NCKAP5L: variants seen among roughly 807,000 people sequenced by gnomAD.
The protein encoded by NCKAP5L is NCK associated protein 5 like.
In NCKAP5L, 54 loss-of-function variants were observed where a neutral mutation model predicts 103.2. The observed-to-expected ratio is 0.52, with a 90% CI of 0.42 to 0.66. The LOEUF (loss-of-function observed/expected upper bound fraction) is 0.66, where lower values mean the gene tolerates loss of function less well. NCKAP5L is among the 30% of genes least tolerant of loss of function. The pLI, the probability that NCKAP5L is intolerant of heterozygous loss-of-function variation, is 0.00. For synonymous variants in NCKAP5L, 762 were observed against 748.6 expected, an observed-to-expected ratio of 1.02 and a Z score of -0.29; for missense variants, 1,733 against 1,750.6, an observed-to-expected ratio of 0.99 and a Z score of 0.18.
rs1255996401 is a variant in NCKAP5L, at chr12:49,792,222, T to A, written c.3793-171A>T. 9.2e-7 allele frequency: 1 copy of A among 1,081,708 alleles called. No individual in the cohort carries two copies. The highest frequency in any genetic ancestry group is 2.6e-5 in the East Asian group (1 of 38,886). 67.0% of individuals were successfully genotyped at this position (1,081,708 alleles called of 1,614,324 possible). A position where few individuals can be genotyped will look rare whatever the true frequency, so the allele number is the denominator to read the frequency against. On this transcript the variant is annotated intron_variant, in intron 12 of 12. Coordinates refer to ENST00000335999, the MANE Select transcript of NCKAP5L (RefSeq NM_001037806.4). This position sits in a 1 kb window ranked among gnomAD's most constrained non-coding sequence, Gnocchi z 4.5. ...AGGCTGGAGGTACAACTGAGAACAG[T>A]CCTACAAGGTTCTGGGGAGGGACAG...
intron 1 of NCKAP5L, among the ~76,000 whole-genome samples, chr12:49,826,745 G>A (rs1333920215): frequency 6.6e-6 from 1 of 152,152 alleles, no homozygotes; most frequent in African/African-American, 2.4e-5. Context: ...AGGGACCAGA[G>A]CTTCTGACTC....
In NCKAP5L at chr12:49,797,196, G is replaced by C; in HGVS notation, c.664C>G (p.Pro222Ala). 1 of 1,612,926 alleles carries C rather than the reference G, an allele frequency of 6.2e-7. No homozygotes were observed. The highest frequency in any genetic ancestry group is 8.5e-7 in the Non-Finnish European group (1 of 1,179,670). ...WRPPGQGPGS[P>A]EPINGELCGP... is the part of the protein sequence containing the mutation. ...CACAGCTCGCCGTTGATGGGCTCTG[G>C]GGAGCCAGGCCCCTGGCCTGGAGGC... The change falls in exon 8 of 13, where the codon CCA becomes GCA. Residue 222 changes from proline to alanine, a missense_variant. Physicochemically the swap from Pro to Ala is conservative, Grantham distance 27 (BLOSUM62 -1). Transcript: ENST00000335999. This position sits in a 1 kb window ranked among gnomAD's most constrained non-coding sequence, Gnocchi z 4.5.
rs776036345 is a variant in NCKAP5L at position 49,797,104 on chromosome 12, T to C, written c.756A>G (p.Gly252=). ...PCLLLGPGNL[G]GLLHWERLLG... ...AGAGGCGCTCCCAGTGCAGCAGGCC[T>C]CCCAGGTTGCCAGGGCCTAGCAGCA... Residue 252 remains glycine, a synonymous_variant, in exon 8 of 13, where the codon GGA becomes GGG. Transcript: ENST00000335999. The surrounding 1 kb of genome is among the most constrained non-coding windows in gnomAD (Gnocchi z 4.5). 2.5e-6 allele frequency: 4 copies of C among 1,593,076 alleles called. No individual in the cohort carries two copies. The South Asian group carries it at 4.5e-5, about 18-fold the overall frequency.
At chr12:49,810,906 C>G (rs1946232693) in intron 1 of NCKAP5L, among the ~76,000 whole-genome samples, 1 of 152,174 alleles carries the variant, frequency 6.6e-6, no homozygotes, top group African/African-American at 2.4e-5. Flanking sequence ...GAAGGGTCCT[C>G]AGACCAAAAA....
At chr12:49,812,150 AC>A (rs1389695206) in intron 1 of NCKAP5L, among the ~76,000 whole-genome samples, 1 of 152,108 alleles carries the variant, frequency 6.6e-6, no homozygotes, top group Non-Finnish European at 1.5e-5. Context: ...ATTTTAGAAC[AC>A]TTTTATTAGC....
intron 1 of NCKAP5L, among the ~76,000 whole-genome samples, chr12:49,809,140 A>C (rs1946212667): frequency 6.6e-6 from 1 of 152,118 alleles, no homozygotes; most frequent in African/African-American, 2.4e-5. Context: ...TCTTCAGCCA[A>C]GTCAGTCACG....
chr12:49,801,979 C>T lies in NCKAP5L; in HGVS notation c.232-12G>A, dbSNP rs943300503. On this transcript the variant is annotated splice_polypyrimidine_tract_variant and intron_variant, in intron 5 of 12. Transcript: ENST00000335999. ...TCCTCTCGCAGGTCCTGCCGCCCAC[C>T]CCGGGAAGTGCAGGAAGAAGAGGTG... 4 of 1,613,272 alleles carry T rather than the reference C, an allele frequency of 2.5e-6. No homozygotes were observed. Among genetic ancestry groups the T allele is most frequent in the Non-Finnish European group, 1.7e-6 (2 of 1,179,716 alleles).
At chr12:49,806,815 G>A (rs888380889) in intron 1 of NCKAP5L, among the ~76,000 whole-genome samples, 1 of 152,244 alleles carries the variant, frequency 6.6e-6, no homozygotes, top group Non-Finnish European at 1.5e-5. Context: ...CTTTTCTCTT[G>A]TTCTCACTTG....
Position 49,792,422 on chromosome 12 carries a change from C to A in NCKAP5L, c.3792+24G>T. 1 of 1,612,656 alleles carries A rather than the reference C, an allele frequency of 6.2e-7. No homozygotes were observed. The highest frequency in any genetic ancestry group is 2.2e-5 in the East Asian group (1 of 44,838). On this transcript the variant is annotated intron_variant, in intron 12 of 12. Coordinates refer to ENST00000335999, the MANE Select transcript of NCKAP5L (RefSeq NM_001037806.4). The surrounding 1 kb of genome is among the most constrained non-coding windows in gnomAD (Gnocchi z 4.5). ...CTCCCTCCTGCTCCCGAGTCCTTTC[C>A]CTTTCCTCTGCTGCAATTCTCACCA...
At chr12:49,816,770 C>G (rs1946303025) in intron 1 of NCKAP5L, among the ~76,000 whole-genome samples, 1 of 150,368 alleles carries the variant, frequency 6.7e-6, no homozygotes, top group African/African-American at 2.5e-5. Flanking sequence ...GTACTCCAGC[C>G]TGGGTGACAG....
At chr12:49,809,260 G>T (rs1946213994) in intron 1 of NCKAP5L, among the ~76,000 whole-genome samples, 1 of 152,174 alleles carries the variant, frequency 6.6e-6, no homozygotes, top group Non-Finnish European at 1.5e-5. Flanking sequence ...ACCAGAAGGG[G>T]TCTGTGGCTC....
At chr12:49,793,979 C>A in intron 8 of NCKAP5L, 83 bp from the exon 9 acceptor site, 1 of 1,272,278 alleles carries the variant, frequency 7.9e-7, no homozygotes, top group Non-Finnish European at 1.0e-6. Flanking sequence ...TGGTGCTGGG[C>A]TTAGGGAGGC....
chr12:49,803,983 T>A lies in NCKAP5L; in HGVS notation c.62A>T (p.Asp21Val). 6.2e-7 allele frequency: 1 copy of A among 1,612,336 alleles called. No homozygotes were observed. Among genetic ancestry groups the A allele is most frequent in the Non-Finnish European group, 8.5e-7 (1 of 1,179,994 alleles). Reference protein sequence around the residue: ...GPGNPRPGEGDDGSMEPGTCQ... With the variant: ...GPGNPRPGEGVDGSMEPGTCQ... ...GGTGCCTGGCTCCATGCTGCCATCA[T>A]CACCCTCTCCTGGCCTTGGGTTTCC... is the stretch of plus-strand genomic sequence containing the variant. The change falls in exon 3 of 13, where the codon GAT becomes GTT. Residue 21 changes from aspartate (D) to valine (V), a missense_variant. Asp to Val is a radical substitution (Grantham distance 152). Coordinates refer to ENST00000335999, the MANE Select transcript of NCKAP5L (RefSeq NM_001037806.4).
intron 8 of NCKAP5L, 85 bp from the exon 9 acceptor site, chr12:49,793,981 T>A: frequency 8.0e-7 from 1 of 1,253,206 alleles, no homozygotes. Context: ...GTGCTGGGCT[T>A]AGGGAGGCAC....
intron 1 of NCKAP5L, among the ~76,000 whole-genome samples, chr12:49,809,660 C>A (rs946712679): frequency 6.6e-6 from 1 of 152,180 alleles, no homozygotes. Flanking sequence ...CAACTTCTGT[C>A]CCCACAGCAA....
In NCKAP5L at chr12:49,794,753, C is replaced by A; in HGVS notation, c.3095+12G>T. On this transcript the variant is annotated intron_variant, in intron 8 of 12. Coordinates refer to ENST00000335999, the MANE Select transcript of NCKAP5L (RefSeq NM_001037806.4). ...CCCACCAAGCCCCTGTTGACTGATC[C>A]CAGGACCTCACCTGTTTAGCAGCTG... The A allele has an allele frequency of 6.7e-7, 1 of 1,483,780 alleles. No homozygotes were observed. The highest frequency in any genetic ancestry group is 2.5e-5 in the East Asian group (1 of 39,906). The allele number at this position is 1,483,780 out of a possible 1,614,324, so 91.9% of individuals were successfully genotyped here. A position where few individuals can be genotyped will look rare whatever the true frequency, so the allele number is the denominator to read the frequency against.
chr12:49,827,898 T>C (rs1277903225), intron 1 of NCKAP5L, among the ~76,000 whole-genome samples: 2 of 151,746 alleles, frequency 1.3e-5, no homozygotes, highest in East Asian at 3.9e-4. Context: ...AGAGAGCCCC[T>C]CCCCCCGCAA....
At chr12:49,820,278 T>C in intron 1 of NCKAP5L, among the ~76,000 whole-genome samples, 1 of 149,962 alleles carries the variant, frequency 6.7e-6, no homozygotes, top group South Asian at 2.1e-4. Context: ...CCCTTCCAGC[T>C]CCTAGTGCCC....
chr12:49,797,041 G>A lies in NCKAP5L; in HGVS notation c.819C>T (p.Pro273=), dbSNP rs1448226971. 2 of 1,573,424 alleles carry A rather than the reference G, an allele frequency of 1.3e-6. No homozygotes were observed. Among genetic ancestry groups the A allele is most frequent in the African/African-American group, 1.4e-5 (1 of 74,000 alleles). The change falls in exon 8 of 13, where the codon CCC becomes CCT. Residue 273 remains proline, a synonymous_variant. Coordinates refer to ENST00000335999, the MANE Select transcript of NCKAP5L (RefSeq NM_001037806.4). This position sits in a 1 kb window ranked among gnomAD's most constrained non-coding sequence, Gnocchi z 4.5. ...GAGGAGGTCCCCTGCTAGGACCCCAGGGCCGCCCAGTGTCCTCTTCCCCTC... is the reference window on the plus strand; with the variant it reads ...GAGGAGGTCCCCTGCTAGGACCCCAAGGCCGCCCAGTGTCCTCTTCCCCTC... ...GLGGEEDTGR[P]WGPSRGPPQA...
Sources: allele counts gnomAD v4.1 joint callset (sites outside exome capture counted in the v4.1 genomes callset), GRCh38; gene constraint gnomAD v4.1.1; non-coding constraint Gnocchi (gnomAD v3.1); transcripts MANE v1.5; gene names NCBI Gene and HGNC (gene_info 2026-07-23, HGNC 2026-07-21).